WDR46: variants seen among roughly 807,000 people sequenced by gnomAD.
WDR46 encodes WD repeat domain 46.
Under a neutral mutation model 74.7 loss-of-function variants are expected in WDR46, and 58 were observed. The ratio of observed to expected loss-of-function variants is 0.78; its 90% CI spans 0.63 to 0.97. The LOEUF (loss-of-function observed/expected upper bound fraction) is 0.97, where lower values mean the gene tolerates loss of function less well. Ranked by LOEUF, WDR46 falls within the 50% of genes least tolerant of loss-of-function variation. The probability of loss-of-function intolerance (pLI) is 0.00; values close to 1 mark genes in which losing one functional copy is unlikely to be tolerated. For missense variants in WDR46, 702 were observed against 790.1 expected (o/e 0.89, Z 1.34); for synonymous variants, 278 against 297.3 (o/e 0.93, Z 0.67).
At chr6:33,282,337 AAG>A (rs1469142387) in intron 10 of WDR46, among the ~76,000 whole-genome samples, 1 of 150,850 alleles carries the variant, frequency 6.6e-6, no homozygotes. Flanking sequence ...GACTTTACCA[AAG>A]AGAAAGGCCA....
Position 33,287,963 on chromosome 6 carries a change from A to T in WDR46, c.623+2T>A. 6.2e-7 allele frequency: 1 copy of T among 1,614,044 alleles called. No homozygotes were observed. The highest frequency in any genetic ancestry group is 8.5e-7 in the Non-Finnish European group (1 of 1,179,934). Reference sequence around the variant, plus strand: ...TCAAGAGTCACTAGAATTCAACCTTACCTTCCAGTTCGAGAGTAGTTTAGT... The same window carrying T: ...TCAAGAGTCACTAGAATTCAACCTTTCCTTCCAGTTCGAGAGTAGTTTAGT... On this transcript the variant is annotated splice_donor_variant, in intron 6 of 14. Transcript: ENST00000374617. LOFTEE classifies it high-confidence loss of function.
intron 10 of WDR46, among the ~76,000 whole-genome samples, chr6:33,282,712 T>A (rs1766292453): frequency 6.6e-6 from 1 of 152,102 alleles, no homozygotes; most frequent in Non-Finnish European, 1.5e-5. Context: ...AAGGTGTTGA[T>A]TAAACTTCAG....
chr6:33,281,761 G>T (rs1766204995), intron 10 of WDR46, among the ~76,000 whole-genome samples: 1 of 152,238 alleles, frequency 6.6e-6, no homozygotes, highest in African/African-American at 2.4e-5. Flanking sequence ...TCCCTGGAAG[G>T]AAGGAGGGAA....
In WDR46 at chr6:33,279,184, A is replaced by G. The variant is rs1765888221; in HGVS notation, c.*92T>C. The G allele has an allele frequency of 3.2e-6, 5 of 1,561,402 alleles. No individual in the cohort carries two copies. The highest frequency in any genetic ancestry group is 4.5e-5 in the East Asian group (2 of 44,340). ...TCCACCCCCAGTTGGGGAAGGGGCC[A>G]CACTGCCCCCACCTCCTTGTTCCAG... On this transcript the variant is annotated 3_prime_UTR_variant, in exon 15 of 15. Coordinates refer to ENST00000374617, the MANE Select transcript of WDR46 (RefSeq NM_005452.6).
At chr6:33,288,513 GA>G (rs1407454139) in intron 3 of WDR46, 43 bp from the exon 4 acceptor site, 10 of 1,610,878 alleles carry the variant, frequency 6.2e-6, no homozygotes, top group Non-Finnish European at 6.8e-6. Flanking sequence ...AGAACCACAG[GA>G]TAAGTGGGGT....
Position 33,280,702 on chromosome 6 carries a change from A to C in WDR46, c.1401T>G (p.Thr467=). Residue 467 remains threonine (T), a synonymous_variant, in exon 11 of 15, where the codon ACT becomes ACG. Coordinates refer to ENST00000374617, the MANE Select transcript of WDR46 (RefSeq NM_005452.6). Reference sequence around the variant, plus strand: ...GGACCAGCATGCTGGTGATGCCCCCAGTGTGCCCCACCCCCAGCACATCTT... The same window carrying C: ...GGACCAGCATGCTGGTGATGCCCCCCGTGTGCCCCACCCCCAGCACATCTT... ...PFEDVLGVGH[T]GGITSMLVPG... The C allele has an allele frequency of 6.3e-7, 1 of 1,589,702 alleles. No individual in the cohort carries two copies. The highest frequency in any genetic ancestry group is 8.6e-7 in the Non-Finnish European group (1 of 1,165,258).
intron 10 of WDR46, among the ~76,000 whole-genome samples, chr6:33,285,208 A>T (rs537633940): frequency 8.0e-4 from 121 of 150,460 alleles, no homozygotes; most frequent in African/African-American, 2.3e-3. Context: ...GATTATTATT[A>T]TTTTTTTTTT....
chr6:33,287,402 C>A lies in WDR46; in HGVS notation c.832G>T (p.Val278Leu). The A allele has an allele frequency of 2.5e-6, 4 of 1,612,222 alleles. No homozygotes were observed. The Admixed American group carries it at 5.0e-5, about 20-fold the overall frequency. Residue 278 changes from valine to leucine, a missense_variant, in exon 8 of 15, where the codon GTA (valine) becomes TTA (leucine). Transcript: ENST00000374617. ...AAGGGCAGGAACTCAAGCCGTGTTA[C>A]TCGGTCACAGCGGCGGATACAGTGG... ...ELHCIRRCDR[V>L]TRLEFLPFHF... is the part of the protein sequence containing the mutation.
chr6:33,286,547 A>G (rs1766653464), intron 10 of WDR46, among the ~76,000 whole-genome samples: 2 of 152,220 alleles, frequency 1.3e-5, no homozygotes, highest in Admixed American at 1.3e-4. Flanking sequence ...AATATTTACT[A>G]TCTGACTCTT....
At chr6:33,286,649 C>T in intron 10 of WDR46, 146 bp downstream of exon 10, 1 of 740,140 alleles carries the variant, frequency 1.4e-6, no homozygotes, top group Middle Eastern at 3.9e-4. Flanking sequence ...ATGAAATATG[C>T]CTATACTTGC....
chr6:33,288,694 T>C lies in WDR46; in HGVS notation c.280A>G (p.Thr94Ala), dbSNP rs3130257. The C allele has an allele frequency of 0.9, 1,450,472 of 1,612,782 alleles. 653,919 individuals carry two copies. Among genetic ancestry groups the C allele is most frequent in the East Asian group, 1 (44,733 of 44,846 alleles). ...GCGGGGCCTGGGAATGGATCTTGGGTCTAGGGGAAAGGAGGACGCAATTAG... is the reference window on the plus strand; with the variant it reads ...GCGGGGCCTGGGAATGGATCTTGGGCCTAGGGGAAAGGAGGACGCAATTAG... Reference protein sequence around the residue: ...NPESQRGLSGTQDPFPGPAPV... With the variant: ...NPESQRGLSGAQDPFPGPAPV... The change falls in exon 3 of 15, where the codon ACC becomes GCC. Residue 94 changes from threonine to alanine, a missense_variant and splice_region_variant. Thr to Ala is a moderately conservative substitution (Grantham distance 58, BLOSUM62 0). Coordinates refer to ENST00000374617, the MANE Select transcript of WDR46 (RefSeq NM_005452.6).
rs766424490 is a variant in WDR46, at chr6:33,279,598, G to T, written c.1633C>A (p.Gln545Lys). The T allele has an allele frequency of 3.1e-6, 5 of 1,614,076 alleles. No individual in the cohort carries two copies. In the African/African-American group the frequency reaches 4.0e-5, roughly 13 times the overall value. The change falls in exon 14 of 15, where the codon CAG (glutamine) becomes AAG (lysine). Residue 545 changes from glutamine (Q) to lysine (K), a missense_variant. Physicochemically the swap from Gln to Lys is moderately conservative, Grantham distance 53. Coordinates refer to ENST00000374617, the MANE Select transcript of WDR46 (RefSeq NM_005452.6). ...EQIERLGYDP[Q>K]AKAPFQPKPK... Reference sequence around the variant, plus strand: ...TTTGGCTGGAAGGGAGCCTTAGCCTGCGGGTCATAGCCCTGAGGGAGGGGA... The same window carrying T: ...TTTGGCTGGAAGGGAGCCTTAGCCTTCGGGTCATAGCCCTGAGGGAGGGGA...
intron 10 of WDR46, among the ~76,000 whole-genome samples, chr6:33,283,000 G>A (rs1766313551): frequency 6.6e-6 from 1 of 152,234 alleles, no homozygotes; most frequent in African/African-American, 2.4e-5. Flanking sequence ...CACAAGGTCA[G>A]GAGTTCAAGA....
At position 33,289,176 on chromosome 6, in the gene WDR46, C is replaced by T. The variant is rs1365444033; in HGVS notation, c.-6G>A. On this transcript the variant is annotated 5_prime_UTR_variant, in exon 1 of 15. Transcript: ENST00000374617. ...GGCTTGGGGGCTGTCTCCATCTCGC[C>T]CACCCGAACGGCGATCCACGTGCAA... 1.2e-6 allele frequency: 2 copies of T among 1,608,770 alleles called. No homozygotes were observed. Among genetic ancestry groups the T allele is most frequent in the Admixed American group, 3.4e-5 (2 of 58,800 alleles).
intron 10 of WDR46, among the ~76,000 whole-genome samples, chr6:33,283,625 C>T (rs750179561): frequency 5.3e-5 from 8 of 152,068 alleles, no homozygotes; most frequent in Admixed American, 1.3e-4. Context: ...CTGAGCTAGG[C>T]GTGGTGGCTC....
chr6:33,281,086 A>G, intron 10 of WDR46, 99 bp from the exon 11 acceptor site: 1 of 1,256,258 alleles, frequency 8.0e-7, no homozygotes, highest in Non-Finnish European at 1.1e-6. Flanking sequence ...GGAGAAAAAG[A>G]TTAATAGTAA....
chr6:33,287,912 A>G, intron 6 of WDR46, 53 bp downstream of exon 6: 2 of 1,602,938 alleles, frequency 1.2e-6, no homozygotes, highest in Non-Finnish European at 1.7e-6. Flanking sequence ...GGAATGGCTG[A>G]AGTGGTTAAG....
intron 11 of WDR46, 75 bp downstream of exon 11, chr6:33,280,599 A>C: frequency 6.2e-7 from 1 of 1,602,836 alleles, no homozygotes; most frequent in South Asian, 1.1e-5. Context: ...CTAAGCCCCC[A>C]GTTCCTGGAT....
intron 10 of WDR46, 104 bp from the exon 11 acceptor site, chr6:33,281,091 T>C (rs2150896245): frequency 8.3e-7 from 1 of 1,210,866 alleles, no homozygotes; most frequent in Non-Finnish European, 1.1e-6. Flanking sequence ...AAAAGATTAA[T>C]AGTAATAACC....
Sources: allele counts gnomAD v4.1 joint callset (sites outside exome capture counted in the v4.1 genomes callset), GRCh38; gene constraint gnomAD v4.1.1; transcripts MANE v1.5; gene names NCBI Gene and HGNC (gene_info 2026-07-23, HGNC 2026-07-21).